Variants in TRPM3 observed in about 807,000 individuals in gnomAD.
TRPM3 encodes the protein transient receptor potential cation channel subfamily M member 3.
TRPM3 carries 77 observed loss-of-function variants against 181.2 expected under a neutral mutation model. That is an observed-to-expected ratio of 0.42 (90% CI 0.35 to 0.51). TRPM3 has a LOEUF of 0.51. Among genes scored for constraint, TRPM3 ranks in the 20% least tolerant of loss-of-function variants. The pLI is 0.01. For missense variants in TRPM3, 1,759 were observed against 2,196.7 expected (o/e 0.80, Z 3.98); for synonymous variants, 745 against 796.4 (o/e 0.94, Z 1.09).
At chr9:70,558,467 C>T (rs1038917967) in intron 22 of TRPM3, among the ~76,000 whole-genome samples, 4 of 152,112 alleles carry the variant, frequency 2.6e-5, no homozygotes, top group Non-Finnish European at 5.9e-5. Flanking sequence ...AGGAGCAATG[C>T]GGGATGTAAA....
intron 1 of TRPM3, among the ~76,000 whole-genome samples, chr9:71,000,113 A>AG (rs1248519533): frequency 2.0e-5 from 3 of 152,214 alleles, no homozygotes; most frequent in African/African-American, 7.2e-5. Flanking sequence ...AAACCCCTCT[A>AG]GGACAAACAG....
intron 22 of TRPM3, among the ~76,000 whole-genome samples, chr9:70,566,869 A>G (rs1470676038): frequency 2.0e-5 from 3 of 152,206 alleles, no homozygotes; most frequent in African/African-American, 7.2e-5. Context: ...TCCCACCCAC[A>G]TACACAGCTG....
rs551515053 is a variant in TRPM3, at chr9:70,740,368, T to G, written c.1272+21233A>C. Among the ~76,000 whole-genome samples, 24 of 152,190 alleles carry G rather than the reference T, an allele frequency of 1.6e-4. 1 individual carries two copies. Among genetic ancestry groups the G allele is most frequent in the African/African-American group, 5.8e-4 (24 of 41,554 alleles). On this transcript the variant is annotated intron_variant, in intron 8 of 25. Transcript: ENST00000677713. Reference sequence around the variant, plus strand: ...ATCCTATGCTTATAAATAGGTAGAATCAATATTGTGAAAATGAACATACTG... The same window carrying G: ...ATCCTATGCTTATAAATAGGTAGAAGCAATATTGTGAAAATGAACATACTG...
At chr9:70,983,512 T>C (rs10868936) in intron 1 of TRPM3, among the ~76,000 whole-genome samples, 46,950 of 152,050 alleles carry the variant, frequency 0.31, 7,342 homozygotes, top group South Asian at 0.37. Context: ...AAACAGAGCA[T>C]GCAAAGAAGA....
At chr9:71,090,901 C>T (rs1466437961) in intron 1 of TRPM3, among the ~76,000 whole-genome samples, 1 of 152,118 alleles carries the variant, frequency 6.6e-6, no homozygotes, top group Non-Finnish European at 1.5e-5. Flanking sequence ...ATTAGTAATA[C>T]AATCAGTCAT....
At chr9:70,546,996 TG>T (rs2045131606) in intron 25 of TRPM3, among the ~76,000 whole-genome samples, 1 of 152,210 alleles carries the variant, frequency 6.6e-6, no homozygotes, top group South Asian at 2.1e-4. Context: ...TGGATAATTA[TG>T]GGGGCATCTT....
intron 6 of TRPM3, among the ~76,000 whole-genome samples, chr9:70,802,017 T>G (rs988125221): frequency 6.6e-6 from 1 of 152,198 alleles, no homozygotes; most frequent in Non-Finnish European, 1.5e-5. Flanking sequence ...CCTCCAGAGC[T>G]TCTGATCAGC....
At chr9:71,075,447 G>C (rs1244307572) in intron 1 of TRPM3, among the ~76,000 whole-genome samples, 1 of 152,136 alleles carries the variant, frequency 6.6e-6, no homozygotes, top group Non-Finnish European at 1.5e-5. Context: ...GCTCATTTTT[G>C]AATATTTGTA....
chr9:70,988,361 C>T (rs2097442331), intron 1 of TRPM3, among the ~76,000 whole-genome samples: 1 of 152,160 alleles, frequency 6.6e-6, no homozygotes, highest in East Asian at 1.9e-4. Flanking sequence ...AAGAAGCCTT[C>T]ATTGTCTCAC....
At position 70,644,261 on chromosome 9, in the gene TRPM3, G is replaced by T. The variant is rs564094201; in HGVS notation, c.1346-3601C>A. Among the ~76,000 whole-genome samples the T allele has an allele frequency of 1.1e-4, 17 of 152,308 alleles. 1 individual carries two copies. In the South Asian group the frequency reaches 2.9e-3, roughly 26 times the overall value. ...CAGATTGTAGAAGTGCTGTGAAGGA[G>T]CAGTGCCACTCCTAGGGTATGTGGG... On this transcript the variant is annotated intron_variant, in intron 9 of 25. Coordinates refer to ENST00000677713, the MANE Select transcript of TRPM3 (RefSeq NM_001366145.2).
At chr9:70,879,439 T>C (rs1806249875) in intron 1 of TRPM3, among the ~76,000 whole-genome samples, 1 of 152,120 alleles carries the variant, frequency 6.6e-6, no homozygotes, top group African/African-American at 2.4e-5. Context: ...TTCCTTTCTC[T>C]GTTTCTCCTA....
intron 1 of TRPM3, among the ~76,000 whole-genome samples, chr9:70,954,988 C>A (rs748707239): frequency 6.2e-4 from 94 of 152,062 alleles, no homozygotes; most frequent in Non-Finnish European, 3.5e-4. Context: ...TGAGTGCCTG[C>A]GAGTTACTTA....
chr9:70,788,661 T>C (rs2084543204), intron 6 of TRPM3, among the ~76,000 whole-genome samples: 2 of 152,098 alleles, frequency 1.3e-5, no homozygotes, highest in Non-Finnish European at 2.9e-5. Context: ...TTGTAATATA[T>C]AATAAAATAA....
chr9:70,837,172 A>G (rs2039646), intron 5 of TRPM3, among the ~76,000 whole-genome samples: 137,483 of 152,246 alleles, frequency 0.9, 62,292 homozygotes, highest in African/African-American at 0.97. Context: ...CCACTCCTGG[A>G]AAGTTTTCTG....
At chr9:70,840,747 T>C (rs538271921) in intron 5 of TRPM3, among the ~76,000 whole-genome samples, 1 of 152,184 alleles carries the variant, frequency 6.6e-6, no homozygotes, top group Non-Finnish European at 1.5e-5. Flanking sequence ...ACTGTCTTTC[T>C]GCAATCTTAT....
chr9:70,584,020 T>C (rs1279852890), intron 22 of TRPM3, among the ~76,000 whole-genome samples: 1 of 152,254 alleles, frequency 6.6e-6, no homozygotes, highest in South Asian at 2.1e-4. Context: ...CAATTATCAC[T>C]GAATACAAAC....
chr9:71,191,804 A>AAAAAACC (rs10676674), intron 1 of TRPM3, among the ~76,000 whole-genome samples: 8 of 149,362 alleles, frequency 5.4e-5, no homozygotes, highest in South Asian at 4.2e-4. Flanking sequence ...AAAAAAAAAA[A>AAAAAACC]ATCACATCGT....
At chr9:71,181,268 G>A (rs778836883) in intron 1 of TRPM3, among the ~76,000 whole-genome samples, 7 of 151,922 alleles carry the variant, frequency 4.6e-5, no homozygotes, top group Non-Finnish European at 8.8e-5. Context: ...CTACAACTTT[G>A]AGCCCTAGAA....
At chr9:70,845,224 C>T (rs1471092053) in intron 4 of TRPM3, among the ~76,000 whole-genome samples, 1 of 152,070 alleles carries the variant, frequency 6.6e-6, no homozygotes, top group Non-Finnish European at 1.5e-5. Context: ...CAAAATTAAG[C>T]AACATTAAGA....
Sources: gnomAD v4.1 joint callset for allele counts (sites outside exome capture counted in the v4.1 genomes callset) on GRCh38, gnomAD v4.1.1 for gene constraint, MANE v1.5 for transcripts, NCBI Gene and HGNC (gene_info 2026-07-23, HGNC 2026-07-21) for gene names.